Variants in ELAC2 observed in about 807,000 individuals in gnomAD.
The protein encoded by ELAC2 is elaC ribonuclease Z 2, also known as zinc phosphodiesterase ELAC protein 2.
ELAC2 carries 92 observed loss-of-function variants against 105.2 expected under a neutral mutation model. The observed-to-expected ratio is 0.87, with a 90% CI of 0.74 to 1.04. The LOEUF (loss-of-function observed/expected upper bound fraction) is 1.04. Ranked by LOEUF, ELAC2 falls within the 50% of genes least tolerant of loss-of-function variation. ELAC2 has a pLI of 0.00. For synonymous variants in ELAC2, 468 were observed against 409.1 expected, an observed-to-expected ratio of 1.14 and a Z score of -1.74; for missense variants, 1,099 against 1,071.7, an observed-to-expected ratio of 1.03 and a Z score of -0.36.
chr17:13,011,614 T>C, intron 7 of ELAC2, 49 bp downstream of exon 7: 1 of 1,614,020 alleles, frequency 6.2e-7, no homozygotes, highest in Non-Finnish European at 8.5e-7. Context: ...AGGCAGAGAA[T>C]TAAGAAAACG....
chr17:12,993,273 G>A (rs371501933), intron 23 of ELAC2, among the ~76,000 whole-genome samples: 100 of 152,362 alleles, frequency 6.6e-4, no homozygotes, highest in African/African-American at 2.2e-3. Context: ...GGAAGGGAGA[G>A]CAGTCCAGAT....
At chr17:13,006,807 C>A (rs1193358067) in intron 8 of ELAC2, among the ~76,000 whole-genome samples, 1 of 152,112 alleles carries the variant, frequency 6.6e-6, no homozygotes, top group Admixed American at 6.5e-5. Context: ...CTGCTTTTAT[C>A]TTGGAGATAA....
intron 11 of ELAC2, 135 bp from the exon 12 acceptor site, chr17:13,003,709 A>G: frequency 1.3e-6 from 1 of 747,400 alleles, no homozygotes; most frequent in Non-Finnish European, 2.3e-6. Flanking sequence ...CGCCCAGGCC[A>G]TGCTCTCACA....
intron 23 of ELAC2, 102 bp from the exon 24 acceptor site, chr17:12,993,147 G>T: frequency 8.1e-7 from 1 of 1,238,334 alleles, no homozygotes; most frequent in Non-Finnish European, 1.2e-6. Flanking sequence ...CAGCGCCAAC[G>T]CCCCTTCCTT....
In ELAC2 at chr17:13,014,712, C is replaced by T. The variant is rs114212435; in HGVS notation, c.433-216G>A. ...AGATGGAGGCCTTGCTCTAATCAGG[C>T]CAGTGGAGGAGACAAAAGGAAACAC... is the stretch of plus-strand genomic sequence containing the variant. On this transcript the variant is annotated intron_variant, in intron 4 of 23. Transcript: ENST00000338034. 8.5e-3 allele frequency among the ~76,000 whole-genome samples: 1,290 copies of T among 152,136 alleles called. 20 individuals carry two copies. Among genetic ancestry groups the T allele is most frequent in the African/African-American group, 0.03 (1,229 of 41,494 alleles).
intron 17 of ELAC2, 195 bp from the exon 18 acceptor site, chr17:12,996,173 C>A: frequency 1.4e-6 from 1 of 716,926 alleles, no homozygotes; most frequent in Non-Finnish European, 2.4e-6. Context: ...GAAAGCGACA[C>A]GACCCGTGCT....
Position 13,014,464 on chromosome 17 carries a change from A to G in ELAC2, c.465T>C (p.Ser155=), listed in dbSNP as rs1452686369. 2 of 1,613,766 alleles carry G rather than the reference A, an allele frequency of 1.2e-6. No individual in the cohort carries two copies. Among genetic ancestry groups the G allele is most frequent in the Non-Finnish European group, 1.7e-6 (2 of 1,179,784 alleles). ...CCAGTTCTATTCCTTTCAATGGACC[A>G]GAAAATATTTTGATTGCTTCGAGGT... ...EKYLEAIKIF[S]GPLKGIELAV... Residue 155 remains serine (S), a synonymous_variant, in exon 5 of 24, where the codon TCT becomes TCC. Coordinates refer to ENST00000338034, the MANE Select transcript of ELAC2 (RefSeq NM_018127.7).
chr17:12,998,409 T>C lies in ELAC2; in HGVS notation c.1520+3A>G. 1 of 1,613,888 alleles carries C rather than the reference T, an allele frequency of 6.2e-7. No individual in the cohort carries two copies. The highest frequency in any genetic ancestry group is 1.1e-5 in the South Asian group (1 of 91,080). ...AAGGATGCTTCCTGGGAAAGCAGCATACCTTATGTTGACAAGTGTGGCACT... is the reference window on the plus strand; with the variant it reads ...AAGGATGCTTCCTGGGAAAGCAGCACACCTTATGTTGACAAGTGTGGCACT... On this transcript the variant is annotated splice_donor_region_variant and intron_variant, in intron 16 of 23. Coordinates refer to ENST00000338034, the MANE Select transcript of ELAC2 (RefSeq NM_018127.7).
intron 8 of ELAC2, among the ~76,000 whole-genome samples, chr17:13,007,474 ATGAT>A (rs1598246045): frequency 1.3e-5 from 2 of 152,358 alleles, no homozygotes; most frequent in East Asian, 3.9e-4. Flanking sequence ...TCACACAGTG[ATGAT>A]TGATGGCTGA....
chr17:13,014,382 G>T, intron 5 of ELAC2, 57 bp downstream of exon 5: 1 of 1,301,514 alleles, frequency 7.7e-7, no homozygotes, highest in South Asian at 1.2e-5. Flanking sequence ...TAATTTGAGA[G>T]GTCAGGGCAT....
At chr17:12,995,129 G>T in intron 19 of ELAC2, 67 bp from the exon 20 acceptor site, 1 of 1,537,898 alleles carries the variant, frequency 6.5e-7, no homozygotes, top group Non-Finnish European at 9.0e-7. Context: ...CAAAGTTTAA[G>T]TCTTTGGCTG....
chr17:13,007,306 C>T (rs1428267893), intron 8 of ELAC2, among the ~76,000 whole-genome samples: 2 of 152,130 alleles, frequency 1.3e-5, no homozygotes, highest in African/African-American at 4.8e-5. Context: ...TTTAAATCTT[C>T]ATCAACTGTG....
At chr17:12,996,002 C>T (rs1379128703) in intron 17 of ELAC2, 24 bp from the exon 18 acceptor site, 11 of 1,583,524 alleles carry the variant, frequency 6.9e-6, no homozygotes, top group African/African-American at 2.7e-5. Flanking sequence ...AGGAGACATG[C>T]GTCAGCCAGG....
In ELAC2 at chr17:13,017,869, C is replaced by A. The variant is rs1167227099; in HGVS notation, c.79G>T (p.Ala27Ser). The A allele has an allele frequency of 6.4e-7, 1 of 1,551,080 alleles. No individual in the cohort carries two copies. The highest frequency in any genetic ancestry group is 8.7e-7 in the Non-Finnish European group (1 of 1,150,290). ...TCCTTGCGCGGCCGCTCGCGGCGGG[C>A]GGGTGCCTGCGATATGGTGCGTCCC... is the stretch of plus-strand genomic sequence containing the variant. The part of the protein sequence containing the change: ...SQGRTISQAP[A>S]RRERPRKDPL... The change falls in exon 1 of 24, where the codon GCC becomes TCC. Residue 27 changes from alanine to serine, a missense_variant. By Grantham distance (99) the Ala-to-Ser change is moderately conservative (BLOSUM62 1). Transcript: ENST00000338034.
chr17:13,016,309 G>C, intron 3 of ELAC2, among the ~76,000 whole-genome samples: 1 of 152,130 alleles, frequency 6.6e-6, no homozygotes, highest in East Asian at 1.9e-4. Flanking sequence ...TGGCGTCTGC[G>C]GTAAACATAT....
rs1156918490 is a variant in ELAC2, at chr17:12,992,540, ACTT to A, written c.*275_*277del. 3.9e-6 allele frequency: 2 copies of A among 518,536 alleles called. No homozygotes were observed. The highest frequency in any genetic ancestry group is 7.0e-6 in the Non-Finnish European group (2 of 286,624). The allele number at this position is 518,536 out of a possible 1,614,324, so 32.1% of individuals were successfully genotyped here. A position where few individuals can be genotyped will look rare whatever the true frequency, so the allele number is the denominator to read the frequency against. On this transcript the variant is annotated 3_prime_UTR_variant, in exon 24 of 24. Transcript: ENST00000338034. ...AAAGGTGCCGCCGTCTGTTTCCAAG[ACTT>A]CTTTAAAAACTGCCTTGAAATGAAA... is the stretch of plus-strand genomic sequence containing the variant.
intron 7 of ELAC2, among the ~76,000 whole-genome samples, chr17:13,011,247 T>C (rs1300935388): frequency 6.6e-6 from 1 of 152,234 alleles, no homozygotes; most frequent in African/African-American, 2.4e-5. Flanking sequence ...CGTTTCCCAG[T>C]GGGCTGTCAT....
At chr17:13,001,835 G>C (rs767190578) in intron 14 of ELAC2, among the ~76,000 whole-genome samples, 1 of 152,116 alleles carries the variant, frequency 6.6e-6, no homozygotes. Flanking sequence ...TAGTGATACA[G>C]GAAAAGACTG....
intron 5 of ELAC2, 127 bp downstream of exon 5, chr17:13,014,312 A>AT: frequency 1.4e-6 from 1 of 711,506 alleles, no homozygotes; most frequent in Non-Finnish European, 2.4e-6. Context: ...AAAAAAAAAA[A>AT]ATCTCGTGGT....
Sources: gnomAD v4.1 joint callset for allele counts (sites outside exome capture counted in the v4.1 genomes callset) on GRCh38, gnomAD v4.1.1 for gene constraint, MANE v1.5 for transcripts, NCBI Gene and HGNC (gene_info 2026-07-23, HGNC 2026-07-21) for gene names.